The following NTNG2 variants were observed in gnomAD, a reference collection of about 807,000 sequenced individuals.
The protein encoded by NTNG2 is netrin G2.
NTNG2 carries 15 observed loss-of-function variants against 47.6 expected under a neutral mutation model. The ratio of observed to expected loss-of-function variants is 0.32; its 90% CI spans 0.21 to 0.49. The LOEUF (loss-of-function observed/expected upper bound fraction) is 0.49, where lower values mean the gene tolerates loss of function less well. NTNG2 is among the 20% of genes least tolerant of loss of function. The probability of loss-of-function intolerance (pLI) is 0.99; values close to 1 mark genes in which losing one functional copy is unlikely to be tolerated. For missense variants in NTNG2, 578 were observed against 764.6 expected (o/e 0.76, Z 2.88); for synonymous variants, 307 against 324.6 (o/e 0.95, Z 0.58).
intron 7 of NTNG2, among the ~76,000 whole-genome samples, 155 bp from the exon 8 acceptor site, chr9:132,241,721 G>A (rs1841998517): frequency 6.6e-6 from 1 of 152,132 alleles, no homozygotes; most frequent in Non-Finnish European, 1.5e-5. Context: ...GTCACCCTCC[G>A]AGGGGGGACG....
rs1491572466 is a variant in NTNG2 at position 132,187,568 on chromosome 9, CAA to C, written c.214-10397_214-10396del. On this transcript the variant is annotated intron_variant, in intron 2 of 7. Transcript: ENST00000393229. ...CACACACACAGAGAGCGAGAGGGAG[CAA>C]GAGAGAGAGAGAGAGAGAGAGAGAG... Among the ~76,000 whole-genome samples the C allele has an allele frequency of 6.1e-3, 446 of 73,208 alleles. 1 individual carries two copies. The highest frequency in any genetic ancestry group is 0.015 in the Middle Eastern group (2 of 136). 48.0% of individuals were successfully genotyped at this position (73,208 alleles called of 152,430 possible).
chr9:132,218,792 C>T lies in NTNG2; in HGVS notation c.858-8057C>T, dbSNP rs931583607. Among the ~76,000 whole-genome samples the T allele has an allele frequency of 1.3e-5, 2 of 152,136 alleles. No homozygotes were observed. The highest frequency in any genetic ancestry group is 1.9e-4 in the East Asian group (1 of 5,188). On this transcript the variant is annotated intron_variant, in intron 3 of 7. Transcript: ENST00000393229. The surrounding 1 kb of genome is among the most constrained non-coding windows in gnomAD (Gnocchi z 5.4). ...GATTACAGGCGTGAGCCAACGCGCC[C>T]GGCCCCAATGTGATAGGTTTATAAA...
rs953880068 is a variant in NTNG2 at position 132,242,281 on chromosome 9, C to A, written c.*170C>A. 1 of 202,442 alleles carries A rather than the reference C, an allele frequency of 4.9e-6. No homozygotes were observed. The highest frequency in any genetic ancestry group is 9.5e-6 in the Non-Finnish European group (1 of 104,778). 12.5% of individuals were successfully genotyped at this position (202,442 alleles called of 1,614,324 possible). A position where few individuals can be genotyped will look rare whatever the true frequency, so the allele number is the denominator to read the frequency against. On this transcript the variant is annotated 3_prime_UTR_variant, in exon 8 of 8. Coordinates refer to ENST00000393229, the MANE Select transcript of NTNG2 (RefSeq NM_032536.4). This position sits in a 1 kb window ranked among gnomAD's most constrained non-coding sequence, Gnocchi z 5.9. ...GCGCTCCCGCCCGCACTGCCCTCCC[C>A]CCGCAGCAGGGGCGCCTTGGGACTC...
At chr9:132,227,674 T>A (rs1157619726) in intron 4 of NTNG2, among the ~76,000 whole-genome samples, 1 of 152,176 alleles carries the variant, frequency 6.6e-6, no homozygotes, top group African/African-American at 2.4e-5. Flanking sequence ...CCCCCGCACG[T>A]GCTCTCTGCC....
At chr9:132,224,969 C>T (rs1840632605) in intron 3 of NTNG2, among the ~76,000 whole-genome samples, 1 of 152,130 alleles carries the variant, frequency 6.6e-6, no homozygotes. Flanking sequence ...GTCTCCCAGG[C>T]TGGAGTGCAG....
rs1197631973 is a variant in NTNG2, at chr9:132,226,625, G to T, written c.858-224G>T. ...GCATCAGAGCAGAGAGGAGAGCCGC[G>T]CAGTGACTGCAGGTGTGGCCTTTGG... On this transcript the variant is annotated intron_variant, in intron 3 of 7. Coordinates refer to ENST00000393229, the MANE Select transcript of NTNG2 (RefSeq NM_032536.4). This position sits in a 1 kb window ranked among gnomAD's most constrained non-coding sequence, Gnocchi z 4.8. Among the ~76,000 whole-genome samples, 1 of 152,250 alleles carries T rather than the reference G, an allele frequency of 6.6e-6. No individual in the cohort carries two copies. Among genetic ancestry groups the T allele is most frequent in the Non-Finnish European group, 1.5e-5 (1 of 68,050 alleles).
At chr9:132,164,683 G>A (rs1835371416) in intron 1 of NTNG2, among the ~76,000 whole-genome samples, 1 of 152,264 alleles carries the variant, frequency 6.6e-6, no homozygotes, top group African/African-American at 2.4e-5. Context: ...CGCCTTCAAG[G>A]CCAGGCAGGC....
At chr9:132,229,813 C>T (rs1046011818) in intron 4 of NTNG2, among the ~76,000 whole-genome samples, 3 of 152,350 alleles carry the variant, frequency 2.0e-5, no homozygotes, top group Middle Eastern at 3.4e-3. Flanking sequence ...TCGGGAACAC[C>T]GTGGGGAAAG....
intron 3 of NTNG2, among the ~76,000 whole-genome samples, chr9:132,203,340 T>TA (rs986510741): frequency 1.2e-4 from 18 of 151,788 alleles, no homozygotes; most frequent in Admixed American, 8.5e-4. Flanking sequence ...ATCCTGTCTC[T>TA]AAAAAAATAA....
At position 132,163,858 on chromosome 9, in the gene NTNG2, C is replaced by T. The variant is rs920101315; in HGVS notation, c.-484+1619C>T. Among the ~76,000 whole-genome samples, 2 of 152,350 alleles carry T rather than the reference C, an allele frequency of 1.3e-5. No homozygotes were observed. The highest frequency in any genetic ancestry group is 3.4e-3 in the Middle Eastern group (1 of 294). On this transcript the variant is annotated intron_variant, in intron 1 of 7. Coordinates refer to ENST00000393229, the MANE Select transcript of NTNG2 (RefSeq NM_032536.4). The surrounding 1 kb of genome is among the most constrained non-coding windows in gnomAD (Gnocchi z 7.2). ...GAGTTTTAATACCCTGGCTATCAGC[C>T]CCCCTTGGTTCCTGAGGACTCTTAA...
intron 2 of NTNG2, 120 bp downstream of exon 2, chr9:132,167,164 T>C (rs75344539): frequency 2.7e-6 from 3 of 1,092,414 alleles, no homozygotes. Flanking sequence ...TTCCTGCCTC[T>C]TGACCAGGTC....
chr9:132,179,638 G>A (rs1035356448), intron 2 of NTNG2, among the ~76,000 whole-genome samples: 31 of 152,202 alleles, frequency 2.0e-4, no homozygotes, highest in Admixed American at 5.9e-4. Context: ...GCCATGCACC[G>A]GTGGCAATTC....
chr9:132,220,759 C>G (rs1840301245), intron 3 of NTNG2, among the ~76,000 whole-genome samples: 1 of 152,150 alleles, frequency 6.6e-6, no homozygotes, highest in Non-Finnish European at 1.5e-5. Context: ...CCTACGTTTC[C>G]ATCTGAGAGT....
intron 2 of NTNG2, among the ~76,000 whole-genome samples, chr9:132,172,796 C>CTCGGCT (rs1334387153): frequency 2.2e-5 from 3 of 135,318 alleles, no homozygotes; most frequent in Admixed American, 8.6e-5. Flanking sequence ...GCGGCGCAAT[C>CTCGGCT]TCGGCTCGCT....
At chr9:132,185,727 A>T (rs924603877) in intron 2 of NTNG2, among the ~76,000 whole-genome samples, 3 of 151,924 alleles carry the variant, frequency 2.0e-5, no homozygotes, top group African/African-American at 7.3e-5. Flanking sequence ...CTTTTTAAAA[A>T]AGTATGAAAG....
Position 132,243,829 on chromosome 9 carries a change from C to G in NTNG2, c.*1718C>G, listed in dbSNP as rs759250473. On this transcript the variant is annotated 3_prime_UTR_variant, in exon 8 of 8. Coordinates refer to ENST00000393229, the MANE Select transcript of NTNG2 (RefSeq NM_032536.4). ...ACACTGCATAGGACTCACAGTGTCC[C>G]GAGCCCACACACCAGCCCCTCCTGG... 6.6e-6 allele frequency: 1 copy of G among 152,254 alleles called. No individual in the cohort carries two copies. Among genetic ancestry groups the G allele is most frequent in the African/African-American group, 2.4e-5 (1 of 41,426 alleles). The allele number at this position is 152,254 out of a possible 1,614,324, so 9.4% of individuals were successfully genotyped here.
chr9:132,200,121 C>A (rs1391000837), intron 3 of NTNG2, among the ~76,000 whole-genome samples: 46 of 152,184 alleles, frequency 3.0e-4, no homozygotes, highest in Non-Finnish European at 1.0e-4. Flanking sequence ...ATGAAGCACA[C>A]CGAACAGTGC....
chr9:132,210,477 G>A (rs116402485), intron 3 of NTNG2, among the ~76,000 whole-genome samples: 402 of 152,320 alleles, frequency 2.6e-3, no homozygotes, highest in African/African-American at 9.3e-3. Context: ...CAACAGTCAT[G>A]CAGGAATGAG....
intron 4 of NTNG2, among the ~76,000 whole-genome samples, chr9:132,228,558 C>CTTT (rs56250915): frequency 2.1e-5 from 3 of 145,216 alleles, no homozygotes; most frequent in Admixed American, 6.9e-5. Flanking sequence ...TCACACCCTC[C>CTTT]TTTTTTTTTT....
Sources: gnomAD v4.1 joint callset for allele counts (sites outside exome capture counted in the v4.1 genomes callset) on GRCh38, gnomAD v4.1.1 for gene constraint, Gnocchi (gnomAD v3.1) non-coding constraint, MANE v1.5 for transcripts, NCBI Gene and HGNC (gene_info 2026-07-23, HGNC 2026-07-21) for gene names.